The following BCORL1 variants were observed in gnomAD, a reference collection of about 807,000 sequenced individuals.
BCORL1 encodes the protein BCL-6 corepressor-like protein 1.
A neutral mutation model predicts 87.6 loss-of-function variants in BCORL1; 7 were observed. That is an observed-to-expected ratio of 0.08 (90% CI 0.05 to 0.15). The LOEUF is 0.15. Among genes scored for constraint, BCORL1 ranks in the 10% least tolerant of loss-of-function variants. The pLI is 1.00. For synonymous variants in BCORL1, 591 were observed against 634.4 expected, an observed-to-expected ratio of 0.93 and a Z score of 1.03; for missense variants, 1,215 against 1,499.7, an observed-to-expected ratio of 0.81 and a Z score of 3.13.
intron 1 of BCORL1, among the ~76,000 whole-genome samples, chrX:129,983,451 A>G: frequency 1.0e-5 from 1 of 99,761 alleles, no homozygotes; most frequent in Admixed American, 1.1e-4. Flanking sequence ...TCCGTGATGA[A>G]GTGTTGAAGA....
chrX:130,022,900 C>T lies in BCORL1; in HGVS notation c.3611C>T (p.Ser1204Phe). The change falls in exon 6 of 14, where the codon TCC (serine) becomes TTC (phenylalanine). Residue 1204 changes from serine (S) to phenylalanine (F), a missense_variant. Ser to Phe is a radical substitution (Grantham distance 155). Around this residue, in one of 5 missense-constraint regions of BCORL1, gnomAD observed 861 missense variants for 1,010.0 expected, o/e 0.85. Coordinates refer to ENST00000540052, the MANE Select transcript of BCORL1 (RefSeq NM_001379451.1). ...CCCAAACCACACATCACTCCAGGTTCCTTGGAAAAGAAAGCAAAGAGCAGT... is the reference window on the plus strand; with the variant it reads ...CCCAAACCACACATCACTCCAGGTTTCTTGGAAAAGAAAGCAAAGAGCAGT... ...GKRADSHEEG[S>F]LEKKAKSSFR... is the part of the protein sequence containing the mutation. The T allele has an allele frequency of 5.0e-6, 6 of 1,209,920 alleles. No individual in the cohort carries two copies. Among genetic ancestry groups the T allele is most frequent in the Non-Finnish European group, 6.7e-6 (6 of 893,666 alleles).
At chrX:129,986,254 A>AG (rs1343403986) in intron 1 of BCORL1, among the ~76,000 whole-genome samples, 13 of 112,167 alleles carry the variant, frequency 1.2e-4, no homozygotes, top group African/African-American at 4.2e-4. Context: ...CCAATAAGGA[A>AG]GGGACAGCAA....
At chrX:130,030,304 T>C (rs1167437537) in intron 8 of BCORL1, among the ~76,000 whole-genome samples, 1 of 111,428 alleles carries the variant, frequency 9.0e-6, no homozygotes, top group Non-Finnish European at 1.9e-5. Flanking sequence ...CTTGACCCCC[T>C]AGAGTGGGAG....
At position 130,055,962 on chromosome X, in the gene BCORL1, C is replaced by G. The variant is rs761806303; in HGVS notation, c.5184C>G (p.Ala1728=). 1.1e-5 allele frequency: 13 copies of G among 1,212,240 alleles called. No individual in the cohort carries two copies. Among genetic ancestry groups the G allele is most frequent in the Non-Finnish European group, 1.3e-5 (12 of 895,632 alleles). The change falls in exon 14 of 14, where the codon GCC becomes GCG. Residue 1728 remains alanine, a synonymous_variant. Coordinates refer to ENST00000540052, the MANE Select transcript of BCORL1 (RefSeq NM_001379451.1). ...PHFEITTMPK[A]EFYRQVASSQ... ...TTGAAATCACCACCATGCCCAAGGC[C>G]GAGTTCTACAGGCAGGTGGCCTCCA...
intron 2 of BCORL1, among the ~76,000 whole-genome samples, chrX:130,009,371 G>A (rs928103819): frequency 1.8e-5 from 2 of 109,183 alleles, no homozygotes; most frequent in African/African-American, 6.7e-5. Flanking sequence ...AGGCTCAGGC[G>A]TGAGCCCGGG....
At position 130,014,543 on chromosome X, in the gene BCORL1, A is replaced by C. The variant is rs778731813; in HGVS notation, c.1771A>C (p.Thr591Pro). 4 of 1,209,463 alleles carry C rather than the reference A, an allele frequency of 3.3e-6. No homozygotes were observed. In the Admixed American group the frequency reaches 8.7e-5, roughly 26 times the overall value. Reference protein sequence around the residue: ...AKMPSGTEQQTEGTSVTFSPL... With the variant: ...AKMPSGTEQQPEGTSVTFSPL... ...GATGCCCAGTGGCACCGAGCAGCAA[A>C]CAGAAGGGACTTCCGTTACCTTCTC... Residue 591 changes from threonine (T) to proline (P), a missense_variant, in exon 4 of 14, where the codon ACA becomes CCA. By Grantham distance (38) the Thr-to-Pro change is conservative. Transcript: ENST00000540052.
chrX:130,004,390 G>T (rs1315378003), intron 1 of BCORL1, among the ~76,000 whole-genome samples: 6 of 109,515 alleles, frequency 5.5e-5, no homozygotes, highest in African/African-American at 2.0e-4. Flanking sequence ...GATTACAGGT[G>T]CACACCACCA....
intron 13 of BCORL1, among the ~76,000 whole-genome samples, chrX:130,053,345 A>G (rs1932181405): frequency 9.3e-6 from 1 of 107,119 alleles, no homozygotes; most frequent in South Asian, 4.3e-4. Flanking sequence ...AGCATGTATG[A>G]TGGCACTAGT....
At chrX:129,984,649 C>T (rs1175151866) in intron 1 of BCORL1, among the ~76,000 whole-genome samples, 1 of 110,157 alleles carries the variant, frequency 9.1e-6, no homozygotes, top group Non-Finnish European at 1.9e-5. Flanking sequence ...AGGAGCCGGC[C>T]GCACCTCGGC....
Position 130,029,639 on chromosome X carries a change from A to T in BCORL1, c.4305+778A>T, listed in dbSNP as rs774781995. Among the ~76,000 whole-genome samples the T allele has an allele frequency of 1.1e-4, 11 of 100,381 alleles. 1 individual carries two copies. The Middle Eastern group carries it at 0.016, about 147-fold the overall frequency. The allele number at this position is 100,381 out of a possible 115,157, so 87.2% of individuals were successfully genotyped here. ...GCTTGTTTTGGTGGTCGTGATTCTTATTTTTTTTTTTCTCTCTCTCTCTCT... is the reference window on the plus strand; with the variant it reads ...GCTTGTTTTGGTGGTCGTGATTCTTTTTTTTTTTTTTCTCTCTCTCTCTCT... On this transcript the variant is annotated intron_variant, in intron 8 of 13. Transcript: ENST00000540052.
chrX:129,989,444 CTTTTTTTT>C (rs55654985), intron 1 of BCORL1, among the ~76,000 whole-genome samples: 2 of 17,776 alleles, frequency 1.1e-4, no homozygotes, highest in African/African-American at 2.6e-4. Context: ...CCGCACCCGT[CTTTTTTTT>C]TTTTTTTTTT....
intron 11 of BCORL1, among the ~76,000 whole-genome samples, chrX:130,039,900 A>G (rs1303875303): frequency 8.9e-6 from 1 of 112,368 alleles, no homozygotes; most frequent in Non-Finnish European, 1.9e-5. Flanking sequence ...ACATGCATTT[A>G]TTTTCTCATT....
intron 8 of BCORL1, among the ~76,000 whole-genome samples, chrX:130,032,250 C>T (rs375366189): frequency 9.0e-6 from 1 of 111,579 alleles, no homozygotes; most frequent in South Asian, 3.7e-4. Context: ...AGGTGTCAGC[C>T]AGGGCAGCAT....
intron 7 of BCORL1, 128 bp downstream of exon 7, chrX:130,025,507 AG>A: frequency 3.3e-6 from 2 of 612,994 alleles, no homozygotes; most frequent in Admixed American, 4.0e-5. Flanking sequence ...CAGCTGCCAG[AG>A]GGGGTCACTC....
chrX:130,045,418 A>G (rs1931685813), intron 11 of BCORL1, among the ~76,000 whole-genome samples: 1 of 110,671 alleles, frequency 9.0e-6, no homozygotes, highest in Admixed American at 9.7e-5. Context: ...CCTCTGCCAT[A>G]TGACCCCATG....
At chrX:130,046,032 A>G (rs1931723128) in intron 11 of BCORL1, among the ~76,000 whole-genome samples, 1 of 111,739 alleles carries the variant, frequency 8.9e-6, no homozygotes, top group Admixed American at 9.5e-5. Flanking sequence ...CTATAATCCC[A>G]GCACTTTGGG....
chrX:130,011,528 C>T (rs2124431942), intron 2 of BCORL1, among the ~76,000 whole-genome samples: 1 of 62,268 alleles, frequency 1.6e-5, no homozygotes, highest in South Asian at 7.4e-4. Flanking sequence ...AGGTGTGAGC[C>T]ACCATGCCTG....
chrX:130,045,516 G>A (rs1016551177), intron 11 of BCORL1, among the ~76,000 whole-genome samples: 20 of 111,360 alleles, frequency 1.8e-4, no homozygotes, highest in Non-Finnish European at 3.4e-4. Flanking sequence ...GGTATGATCG[G>A]ACCCTGAGGA....
intron 1 of BCORL1, among the ~76,000 whole-genome samples, chrX:129,991,653 T>TC (rs1229951116): frequency 5.0e-5 from 4 of 80,695 alleles, no homozygotes; most frequent in Non-Finnish European, 9.5e-5. Context: ...AAAATATTCT[T>TC]TTTTTTTTTT....
Sources: allele counts gnomAD v4.1 joint callset (sites outside exome capture counted in the v4.1 genomes callset), GRCh38; gene constraint gnomAD v4.1.1; regional missense constraint gnomAD v4.1.1; transcripts MANE v1.5; gene names NCBI Gene and HGNC (gene_info 2026-07-23, HGNC 2026-07-21).